The following CFAP58 variants were observed in gnomAD, a reference collection of about 807,000 sequenced individuals.
CFAP58 encodes the protein cilia and flagella associated protein 58, also known as cilia- and flagella-associated protein 58.
In CFAP58, 88 loss-of-function variants were observed where a neutral mutation model predicts 119.5. The observed-to-expected ratio is 0.74, with a 90% CI of 0.62 to 0.88. CFAP58 has a LOEUF of 0.88. CFAP58 is among the 40% of genes least tolerant of loss of function. The pLI, the probability that CFAP58 is intolerant of heterozygous loss-of-function variation, is 0.00. For synonymous variants in CFAP58, 365 were observed against 366.3 expected (o/e 1.00, Z 0.04); for missense variants, 990 against 1,021.2 (o/e 0.97, Z 0.42).
chr10:104,392,639 C>CTTTT (rs35863751), intron 10 of CFAP58, among the ~76,000 whole-genome samples: 2 of 123,966 alleles, frequency 1.6e-5, no homozygotes, highest in African/African-American at 6.1e-5. Context: ...CGTCTTTCTA[C>CTTTT]TTTTTTTTTT....
At position 104,366,037 on chromosome 10, in the gene CFAP58, A is replaced by T. The variant is rs776656836; in HGVS notation, c.792+29A>T. On this transcript the variant is annotated intron_variant, in intron 5 of 17. Transcript: ENST00000369704. ...AGTTGGGTGTGGGTCTTCGCAAAAA[A>T]CCAAGAAAAACCCAGAATGGCACCT... 10 of 1,517,164 alleles carry T rather than the reference A, an allele frequency of 6.6e-6. No individual in the cohort carries two copies. The Admixed American group carries it at 1.4e-4, about 22-fold the overall frequency. 94.0% of individuals were successfully genotyped at this position (1,517,164 alleles called of 1,614,324 possible).
In CFAP58 at chr10:104,358,082, T is replaced by C. The variant is rs555929376; in HGVS notation, c.10-259T>C. Among the ~76,000 whole-genome samples the C allele has an allele frequency of 3.1e-4, 43 of 140,250 alleles. 1 individual carries two copies. Among genetic ancestry groups the C allele is most frequent in the Admixed American group, 2.8e-3 (38 of 13,600 alleles). 92.0% of individuals were successfully genotyped at this position (140,250 alleles called of 152,430 possible). A position where few individuals can be genotyped will look rare whatever the true frequency, so the allele number is the denominator to read the frequency against. The stretch of plus-strand genomic sequence containing the variant: ...ACATATATACACATATGTACATATA[T>C]ATACACACATATATATGTACATATA... On this transcript the variant is annotated intron_variant, in intron 1 of 17. Transcript: ENST00000369704.
At chr10:104,364,582 A>T (rs2014717312) in intron 3 of CFAP58, 151 bp from the exon 4 acceptor site, 1 of 631,366 alleles carries the variant, frequency 1.6e-6, no homozygotes, top group Admixed American at 3.5e-5. Flanking sequence ...ATCTGATCCC[A>T]TATCATGGCA....
chr10:104,429,904 G>T (rs552160992), intron 15 of CFAP58, among the ~76,000 whole-genome samples: 4 of 149,898 alleles, frequency 2.7e-5, no homozygotes, highest in Non-Finnish European at 4.4e-5. Context: ...CTCCTCTTTT[G>T]CCTGCTCTGA....
chr10:104,450,684 T>G (rs2013180852), intron 17 of CFAP58, among the ~76,000 whole-genome samples: 1 of 147,014 alleles, frequency 6.8e-6, no homozygotes, highest in Non-Finnish European at 1.5e-5. Context: ...TTTATTTATT[T>G]ATTTATTTAT....
At chr10:104,400,067 A>C (rs61861169) in intron 12 of CFAP58, among the ~76,000 whole-genome samples, 23,148 of 152,184 alleles carry the variant, frequency 0.15, 1,980 homozygotes, top group Middle Eastern at 0.32. Context: ...AGTCATTCAG[A>C]TTTGAACATT....
the CFAP58 span, among the ~76,000 whole-genome samples, chr10:104,344,605 A>G: frequency 6.6e-6 from 1 of 150,914 alleles, no homozygotes; most frequent in Admixed American, 6.5e-5. Context: ...ATATTTCTTA[A>G]TGTGGTCTTT....
At chr10:104,423,631 A>C (rs932082112) in intron 15 of CFAP58, among the ~76,000 whole-genome samples, 1 of 152,256 alleles carries the variant, frequency 6.6e-6, no homozygotes. Context: ...CAAAGGAAAC[A>C]TTTTCAATAA....
At chr10:104,351,757 C>T (rs890277936), upstream of CFAP58, 16 of 151,862 alleles carry the variant, frequency 1.1e-4, no homozygotes, top group African/African-American at 3.9e-4. Context: ...CCTTTATGAC[C>T]GTGGGGTTAA....
At chr10:104,417,999 C>G (rs1056283391) in intron 15 of CFAP58, among the ~76,000 whole-genome samples, 1 of 152,138 alleles carries the variant, frequency 6.6e-6, no homozygotes, top group Non-Finnish European at 1.5e-5. Context: ...TGTTTATATA[C>G]TTAAGTGATT....
chr10:104,408,358 T>A (rs1306494151), intron 15 of CFAP58, among the ~76,000 whole-genome samples: 2 of 152,212 alleles, frequency 1.3e-5, no homozygotes, highest in Non-Finnish European at 2.9e-5. Flanking sequence ...TTTTTTATAA[T>A]GGGAGGAGGA....
chr10:104,450,257 G>T, intron 17 of CFAP58, 53 bp downstream of exon 17: 1 of 1,581,858 alleles, frequency 6.3e-7, no homozygotes, highest in South Asian at 1.1e-5. Context: ...CTGCACATAA[G>T]AAAATATTTG....
chr10:104,353,475 C>CT, upstream of CFAP58: 1 of 179,474 alleles, frequency 5.6e-6, no homozygotes, highest in East Asian at 1.5e-4. Context: ...AGCGTTAGTC[C>CT]TCGGCTCTCC....
At chr10:104,402,289 C>T (rs938423743) in intron 13 of CFAP58, among the ~76,000 whole-genome samples, 5 of 152,166 alleles carry the variant, frequency 3.3e-5, no homozygotes, top group Non-Finnish European at 5.9e-5. Context: ...TCTGCCCTCC[C>T]CTTCTGATGA....
chr10:104,392,784 C>T (rs1356684985), intron 10 of CFAP58, among the ~76,000 whole-genome samples: 1 of 151,896 alleles, frequency 6.6e-6, no homozygotes, highest in Non-Finnish European at 1.5e-5. Flanking sequence ...GGATTACAGG[C>T]GCATGCCACC....
Position 104,432,812 on chromosome 10 carries a change from T to A in CFAP58, c.2257-14886T>A, listed in dbSNP as rs534574018. ...CACCGCGCCCGGCCAGTAGGCACTT[T>A]TATATACTGTGGGTAGAGTTTAAAT... On this transcript the variant is annotated intron_variant, in intron 15 of 17. Coordinates refer to ENST00000369704, the MANE Select transcript of CFAP58 (RefSeq NM_001008723.2). Among the ~76,000 whole-genome samples, 15 of 152,316 alleles carry A rather than the reference T, an allele frequency of 9.8e-5. No homozygotes were observed. In the South Asian group the frequency reaches 3.1e-3, roughly 32 times the overall value.
At chr10:104,348,295 T>G in the CFAP58 span, among the ~76,000 whole-genome samples, 1 of 152,192 alleles carries the variant, frequency 6.6e-6, no homozygotes, top group Non-Finnish European at 1.5e-5. Flanking sequence ...GGAATTTACA[T>G]GTAGGCCTGC....
intron 7 of CFAP58, among the ~76,000 whole-genome samples, chr10:104,374,874 A>T (rs1018119158): frequency 4.6e-5 from 7 of 151,756 alleles, no homozygotes; most frequent in African/African-American, 1.4e-4. Context: ...AAAAGAAGCA[A>T]CTTAAATGTT....
intron 15 of CFAP58, among the ~76,000 whole-genome samples, chr10:104,440,113 C>T (rs557161673): frequency 2.0e-5 from 3 of 148,126 alleles, no homozygotes; most frequent in African/African-American, 5.1e-5. Context: ...TGAGCCACCG[C>T]GCCCGGCCAC....
Sources: allele counts gnomAD v4.1 joint callset (sites outside exome capture counted in the v4.1 genomes callset), GRCh38; gene constraint gnomAD v4.1.1; transcripts MANE v1.5; gene names NCBI Gene and HGNC (gene_info 2026-07-23, HGNC 2026-07-21).